Variants in DGKI observed in about 807,000 individuals in gnomAD.
DGKI encodes the protein diacylglycerol kinase iota.
DGKI carries 55 observed loss-of-function variants against 147.5 expected under a neutral mutation model. The observed-to-expected ratio is 0.37, with a 90% CI of 0.30 to 0.47. DGKI has a LOEUF of 0.47. Ranked by LOEUF, DGKI falls within the 20% of genes least tolerant of loss-of-function variation. DGKI has a pLI of 1.00. For synonymous variants in DGKI, 469 were observed against 477.1 expected, an observed-to-expected ratio of 0.98 and a Z score of 0.22; for missense variants, 1,007 against 1,323.8, an observed-to-expected ratio of 0.76 and a Z score of 3.71.
intron 23 of DGKI, among the ~76,000 whole-genome samples, chr7:137,474,325 T>G (rs377096863): frequency 1.3e-5 from 2 of 152,326 alleles, no homozygotes; most frequent in South Asian, 4.1e-4. Context: ...AATTGGAGAT[T>G]TTTTTGAAGT....
intron 1 of DGKI, among the ~76,000 whole-genome samples, chr7:137,752,410 C>A (rs11976084): frequency 2.4e-4 from 36 of 151,818 alleles, no homozygotes; most frequent in African/African-American, 8.5e-4. Context: ...ACAAAATGTA[C>A]GGAATTCCGC....
chr7:137,408,128 A>T (rs1489792371), intron 29 of DGKI, 133 bp from the exon 30 acceptor site: 1 of 1,040,692 alleles, frequency 9.6e-7, no homozygotes, highest in Non-Finnish European at 1.4e-6. Flanking sequence ...GAAAAGTCAA[A>T]AAGGTGAAGT....
intron 23 of DGKI, among the ~76,000 whole-genome samples, chr7:137,476,166 C>T (rs766666856): frequency 5.0e-4 from 74 of 146,594 alleles, no homozygotes; most frequent in Admixed American, 8.6e-4. Flanking sequence ...TAGCTCTTGA[C>T]TCTGGCTCTC....
At chr7:137,674,477 C>T (rs578151527) in intron 3 of DGKI, among the ~76,000 whole-genome samples, 60 of 152,148 alleles carry the variant, frequency 3.9e-4, no homozygotes, top group Non-Finnish European at 6.0e-4. Flanking sequence ...CTGGTTTATC[C>T]CTAATGTTAC....
At position 137,430,440 on chromosome 7, in the gene DGKI, A is replaced by T. The variant is rs1251601780; in HGVS notation, c.2761+13637T>A. Among the ~76,000 whole-genome samples, 7 of 151,164 alleles carry T rather than the reference A, an allele frequency of 4.6e-5. No homozygotes were observed. In the East Asian group the frequency reaches 1.2e-3, roughly 26 times the overall value. ...GAGGGGGGAGGGATGGCATTAGGAGATATACCTAATGCTAAATGACGTGTT... is the reference window on the plus strand; with the variant it reads ...GAGGGGGGAGGGATGGCATTAGGAGTTATACCTAATGCTAAATGACGTGTT... On this transcript the variant is annotated intron_variant, in intron 28 of 32. Coordinates refer to ENST00000614521, the MANE Select transcript of DGKI (RefSeq NM_001321708.2).
intron 6 of DGKI, among the ~76,000 whole-genome samples, chr7:137,627,572 C>T (rs978380448): frequency 6.6e-6 from 1 of 152,178 alleles, no homozygotes; most frequent in African/African-American, 2.4e-5. Flanking sequence ...CCCCTACAGC[C>T]ACTGCAAAGA....
intron 1 of DGKI, among the ~76,000 whole-genome samples, chr7:137,805,407 T>TC (rs1174050742): frequency 6.6e-6 from 1 of 152,122 alleles, no homozygotes; most frequent in African/African-American, 2.4e-5. Flanking sequence ...CATAACAAGG[T>TC]CCTGGCCAGA....
intron 28 of DGKI, among the ~76,000 whole-genome samples, chr7:137,425,149 C>G (rs956176954): frequency 6.6e-6 from 1 of 152,220 alleles, no homozygotes. Flanking sequence ...AGGCACCCCC[C>G]AGTAGGGGCA....
chr7:137,579,445 A>AG (rs1217057095), intron 15 of DGKI, among the ~76,000 whole-genome samples: 6 of 151,220 alleles, frequency 4.0e-5, no homozygotes, highest in African/African-American at 1.2e-4. Flanking sequence ...GTAAAAAAAA[A>AG]AAAAAAGAAA....
At chr7:137,408,183 T>C (rs1812031205) in intron 29 of DGKI, among the ~76,000 whole-genome samples, 188 bp from the exon 30 acceptor site, 1 of 152,220 alleles carries the variant, frequency 6.6e-6, no homozygotes, top group Non-Finnish European at 1.5e-5. Flanking sequence ...GACCAGTGTC[T>C]CTTCTAACTC....
chr7:137,500,440 T>G (rs1816129355), intron 21 of DGKI, among the ~76,000 whole-genome samples: 1 of 152,190 alleles, frequency 6.6e-6, no homozygotes. Context: ...TGCAAATTTA[T>G]GCCAAATAAT....
At chr7:137,609,478 G>T in intron 9 of DGKI, 57 bp downstream of exon 9, 1 of 1,358,190 alleles carries the variant, frequency 7.4e-7, no homozygotes, top group South Asian at 1.2e-5. Flanking sequence ...TCATAGGACA[G>T]AGTAGACTAT....
intron 20 of DGKI, among the ~76,000 whole-genome samples, chr7:137,522,722 G>A (rs568772227): frequency 3.2e-4 from 49 of 152,128 alleles, no homozygotes; most frequent in African/African-American, 1.1e-3. Flanking sequence ...TCTGTAACTC[G>A]ACTCCTTGAT....
intron 1 of DGKI, among the ~76,000 whole-genome samples, chr7:137,799,000 G>T (rs530116391): frequency 6.6e-6 from 1 of 151,948 alleles, no homozygotes; most frequent in East Asian, 1.9e-4. Flanking sequence ...ATAAGGGAAC[G>T]TCCTCAACCT....
intron 27 of DGKI, among the ~76,000 whole-genome samples, chr7:137,451,309 G>A (rs1813946850): frequency 6.6e-6 from 1 of 152,104 alleles, no homozygotes; most frequent in Non-Finnish European, 1.5e-5. Context: ...CATTTTATTA[G>A]ATTAATATAT....
At chr7:137,736,962 T>C (rs952757891) in intron 1 of DGKI, among the ~76,000 whole-genome samples, 1 of 152,186 alleles carries the variant, frequency 6.6e-6, no homozygotes, top group Middle Eastern at 3.4e-3. Context: ...TTGTTATCTC[T>C]TATAAGCCAG....
intron 23 of DGKI, among the ~76,000 whole-genome samples, chr7:137,484,057 A>G (rs1815466018): frequency 6.6e-6 from 1 of 152,096 alleles, no homozygotes; most frequent in Non-Finnish European, 1.5e-5. Context: ...TTTGTTTTTA[A>G]TGTAAACATA....
intron 3 of DGKI, among the ~76,000 whole-genome samples, chr7:137,678,257 C>T (rs892281278): frequency 6.6e-6 from 1 of 152,096 alleles, no homozygotes; most frequent in African/African-American, 2.4e-5. Flanking sequence ...GACACTACCT[C>T]GTACACATTT....
At chr7:137,434,063 G>C (rs1330853634) in intron 28 of DGKI, among the ~76,000 whole-genome samples, 3 of 150,670 alleles carry the variant, frequency 2.0e-5, no homozygotes, top group Non-Finnish European at 4.4e-5. Flanking sequence ...AGGTTGCAGT[G>C]AGCTGAGATC....
Sources: allele counts gnomAD v4.1 joint callset (sites outside exome capture counted in the v4.1 genomes callset), GRCh38; gene constraint gnomAD v4.1.1; transcripts MANE v1.5; gene names NCBI Gene and HGNC (gene_info 2026-07-23, HGNC 2026-07-21).